Variants in THSD7B observed in about 807,000 individuals in gnomAD.
THSD7B encodes the protein thrombospondin type-1 domain-containing protein 7B.
Under a neutral mutation model 213.6 loss-of-function variants are expected in THSD7B, and 138 were observed. The ratio of observed to expected loss-of-function variants is 0.65; its 90% confidence interval spans 0.56 to 0.74. The LOEUF (loss-of-function observed/expected upper bound fraction) is 0.74, where lower values mean the gene tolerates loss of function less well. THSD7B is among the 30% of genes least tolerant of loss of function. THSD7B has a pLI of 0.00. For missense variants in THSD7B, 1,931 were observed against 1,991.5 expected (o/e 0.97, Z 0.58); for synonymous variants, 742 against 687.0 (o/e 1.08, Z -1.25).
chr2:137,212,208 C>T (rs1284742175), intron 7 of THSD7B, among the ~76,000 whole-genome samples: 3 of 151,848 alleles, frequency 2.0e-5, no homozygotes, highest in East Asian at 1.9e-4. Context: ...AGATTCTGGT[C>T]GGTTTTTACT....
chr2:137,624,113 C>T lies in THSD7B; in HGVS notation c.3799+3387C>T, dbSNP rs368273393. On this transcript the variant is annotated intron_variant, in intron 20 of 27. Coordinates refer to ENST00000409968, the MANE Select transcript of THSD7B (RefSeq NM_001316349.2). ...CTACAGTAACCAAAACAGCATGGTA[C>T]TGGTACCAAAACAGAGATATAGACC... Among the ~76,000 whole-genome samples, 89 of 152,334 alleles carry T rather than the reference C, an allele frequency of 5.8e-4. 2 individuals are homozygous for T. The East Asian group carries it at 0.012, about 20-fold the overall frequency.
At chr2:137,298,510 A>G (rs996023916) in intron 12 of THSD7B, among the ~76,000 whole-genome samples, 10 of 152,044 alleles carry the variant, frequency 6.6e-5, no homozygotes, top group Non-Finnish European at 1.5e-4. Flanking sequence ...CCCTGAGACC[A>G]TGGGGAAAAT....
chr2:137,490,651 G>A (rs1222387251), intron 15 of THSD7B, among the ~76,000 whole-genome samples: 1 of 151,990 alleles, frequency 6.6e-6, no homozygotes, highest in Non-Finnish European at 1.5e-5. Flanking sequence ...TTTACATTAG[G>A]GTTCACTCTT....
chr2:136,938,700 T>C (rs1459304938), intron 2 of THSD7B, among the ~76,000 whole-genome samples: 1 of 152,188 alleles, frequency 6.6e-6, no homozygotes, highest in Non-Finnish European at 1.5e-5. Flanking sequence ...CCATAGTACA[T>C]CACTGGGAAG....
chr2:137,423,770 A>G (rs985127428), intron 14 of THSD7B, among the ~76,000 whole-genome samples: 1 of 152,144 alleles, frequency 6.6e-6, no homozygotes, highest in African/African-American at 2.4e-5. Flanking sequence ...TTCAGATTAT[A>G]TTAAAAGCTT....
intron 1 of THSD7B, among the ~76,000 whole-genome samples, chr2:136,811,906 T>C (rs1181064831): frequency 2.0e-5 from 3 of 152,118 alleles, no homozygotes; most frequent in African/African-American, 4.8e-5. Context: ...TCCATACTCA[T>C]TGATGTTACC....
intron 15 of THSD7B, among the ~76,000 whole-genome samples, chr2:137,501,625 G>A (rs1679708088): frequency 6.6e-6 from 1 of 152,052 alleles, no homozygotes; most frequent in African/African-American, 2.4e-5. Context: ...TAGAATGAAA[G>A]TTAGAATCAC....
chr2:136,952,434 C>CTTTTTTTTTT (rs35848268), intron 2 of THSD7B, among the ~76,000 whole-genome samples: 3 of 125,614 alleles, frequency 2.4e-5, no homozygotes, highest in East Asian at 2.4e-4. Flanking sequence ...GGGCAGAAAA[C>CTTTTTTTTTT]TTTTTTTTTT....
chr2:136,922,880 C>A (rs545614772), intron 2 of THSD7B, among the ~76,000 whole-genome samples: 3 of 152,246 alleles, frequency 2.0e-5, no homozygotes, highest in East Asian at 3.9e-4. Flanking sequence ...AAGTGCCATT[C>A]CTCTATTTGT....
chr2:137,031,505 C>T (rs562805236), intron 2 of THSD7B, among the ~76,000 whole-genome samples: 3 of 152,246 alleles, frequency 2.0e-5, no homozygotes, highest in African/African-American at 7.2e-5. Flanking sequence ...AGACTGTAAT[C>T]TCCATGTGGA....
intron 1 of THSD7B, among the ~76,000 whole-genome samples, chr2:136,792,914 A>G (rs1194704323): frequency 6.6e-6 from 1 of 152,018 alleles, no homozygotes; most frequent in Non-Finnish European, 1.5e-5. Flanking sequence ...TGCATTTATC[A>G]GTAGTTAATT....
intron 9 of THSD7B, 109 bp from the exon 10 acceptor site, chr2:137,242,348 T>C: frequency 1.3e-6 from 1 of 778,610 alleles, no homozygotes; most frequent in Non-Finnish European, 2.1e-6. Context: ...CCCTCACCTA[T>C]TAAGGGAACA....
At chr2:137,582,800 A>G (rs573530224) in intron 17 of THSD7B, among the ~76,000 whole-genome samples, 1 of 152,190 alleles carries the variant, frequency 6.6e-6, no homozygotes, top group South Asian at 2.1e-4. Flanking sequence ...CAATAAACAT[A>G]CGTGTGCATG....
intron 2 of THSD7B, among the ~76,000 whole-genome samples, chr2:136,899,266 G>C (rs1684021288): frequency 6.6e-6 from 1 of 152,056 alleles, no homozygotes; most frequent in Non-Finnish European, 1.5e-5. Flanking sequence ...CCCAACCCCT[G>C]GGGGTTAAAT....
chr2:137,075,554 G>C (rs1457275293), intron 3 of THSD7B, among the ~76,000 whole-genome samples: 1 of 152,078 alleles, frequency 6.6e-6, no homozygotes, highest in African/African-American at 2.4e-5. Flanking sequence ...GCTCGGAGTA[G>C]TTTGATCATC....
intron 15 of THSD7B, among the ~76,000 whole-genome samples, chr2:137,483,882 C>T (rs1457573268): frequency 1.3e-5 from 2 of 151,982 alleles, no homozygotes; most frequent in African/African-American, 2.4e-5. Context: ...CTTGAGGGAG[C>T]GAGACCTAAA....
At chr2:136,979,477 G>T (rs1685539291) in intron 2 of THSD7B, among the ~76,000 whole-genome samples, 1 of 152,002 alleles carries the variant, frequency 6.6e-6, no homozygotes, top group African/African-American at 2.4e-5. Flanking sequence ...GTTGTTGGGG[G>T]TTTTGTTCAT....
In THSD7B at chr2:137,164,507, TGA is replaced by T. The variant is rs1489158777; in HGVS notation, c.1525+4140_1525+4141del. ...AGGATCTGGAGCTAGAAATACCATTTGACCCAGCCATCCCATTACTGGGTATA... is the reference window on the plus strand; with the variant it reads ...AGGATCTGGAGCTAGAAATACCATTTCCCAGCCATCCCATTACTGGGTATA... On this transcript the variant is annotated intron_variant, in intron 6 of 27. Transcript: ENST00000409968. 8.7e-3 allele frequency among the ~76,000 whole-genome samples: 1,329 copies of T among 152,298 alleles called. 21 individuals are homozygous for T. The highest frequency in any genetic ancestry group is 0.03 in the African/African-American group (1,255 of 41,550).
At chr2:137,303,847 T>C (rs1485388576) in intron 12 of THSD7B, among the ~76,000 whole-genome samples, 3 of 150,540 alleles carry the variant, frequency 2.0e-5, no homozygotes, top group South Asian at 2.2e-4. Flanking sequence ...CGGGGATCCA[T>C]GTGCAGAACA....
Sources: allele counts gnomAD v4.1 joint callset (sites outside exome capture counted in the v4.1 genomes callset), GRCh38; gene constraint gnomAD v4.1.1; transcripts MANE v1.5; gene names NCBI Gene and HGNC (gene_info 2026-07-23, HGNC 2026-07-21).